ISYNA1: variants seen among roughly 807,000 people sequenced by gnomAD.
ISYNA1 encodes MI-1-P synthase.
ISYNA1 carries 34 observed loss-of-function variants against 50.3 expected under a neutral mutation model. That is an observed-to-expected ratio of 0.68 (90% CI 0.51 to 0.90). The LOEUF is 0.90. ISYNA1 is among the 40% of genes least tolerant of loss of function. ISYNA1 has a pLI of 0.00. For missense variants in ISYNA1, 718 were observed against 784.8 expected, an observed-to-expected ratio of 0.91 and a Z score of 1.02; for synonymous variants, 396 against 349.9, an observed-to-expected ratio of 1.13 and a Z score of -1.47.
Position 18,436,229 on chromosome 19 carries a change from G to T in ISYNA1, c.778C>A (p.Pro260Thr). The change falls in exon 7 of 11, where the codon CCC becomes ACC. Residue 260 changes from proline to threonine, a missense_variant. Pro to Thr is a conservative substitution (Grantham distance 38). This residue lies in a region of ISYNA1 where 403 missense variants were observed against 466.6 expected (regional missense o/e 0.86). Transcript: ENST00000338128. ...CTGGCCACGGCGAAGAGCGTGGAGG[G>T]CGACACCTCCAGACCGAGCTGTGGG... The part of the protein sequence containing the change: ...RTIELGLEVS[P>T]STLFAVASIL... 6.2e-7 allele frequency: 1 copy of T among 1,609,150 alleles called. No homozygotes were observed.
In ISYNA1 at chr19:18,436,414, C is replaced by T. The variant is rs754511347; in HGVS notation, c.675G>A (p.Val225=). The change falls in exon 6 of 11, where the codon GTG becomes GTA. Residue 225 remains valine, a synonymous_variant. Transcript: ENST00000338128. ...RSSAGLDKVI[V]LWTANTERFC... is the part of the protein sequence containing the mutation. ...AGCGCTCCGTGTTCGCCGTCCACAG[C>T]ACTATGACTTTGTCCAGCCCCGCGC... is the stretch of plus-strand genomic sequence containing the variant. 2 of 1,611,222 alleles carry T rather than the reference C, an allele frequency of 1.2e-6. No individual in the cohort carries two copies. Among genetic ancestry groups the T allele is most frequent in the Non-Finnish European group, 1.7e-6 (2 of 1,179,872 alleles).
chr19:18,437,436 C>A, intron 3 of ISYNA1, 163 bp downstream of exon 3: 1 of 1,151,108 alleles, frequency 8.7e-7, no homozygotes, highest in Non-Finnish European at 1.1e-6. Flanking sequence ...TACAGGCCTC[C>A]AGACCCGGGC....
At position 18,435,270 on chromosome 19, in the gene ISYNA1, G is replaced by A. The variant is rs1325969662; in HGVS notation, c.1468C>T (p.Leu490Phe). ...FRQRSCIENILRACVGLPPQN... is the reference protein window; with the variant it reads ...FRQRSCIENIFRACVGLPPQN... ...AACCTGGAGGCTGGGGTGCACCTGA[G>A]GATGTTCTCGATGCAGCTGCGCTGG... The change falls in exon 10 of 11, where the codon CTC becomes TTC. Residue 490 changes from leucine to phenylalanine, a missense_variant. Leu to Phe is a conservative substitution (Grantham distance 22). Transcript: ENST00000338128. The A allele has an allele frequency of 1.9e-6, 3 of 1,605,110 alleles. No individual in the cohort carries two copies. The highest frequency in any genetic ancestry group is 2.7e-5 in the African/African-American group (2 of 74,922).
In ISYNA1 at chr19:18,434,450, T is replaced by C. The variant is rs1973849145; in HGVS notation, c.*463A>G. On this transcript the variant is annotated 3_prime_UTR_variant, in exon 11 of 11. Transcript: ENST00000338128. ...AGACGTTCTTTTCTGTATGGACCCT[T>C]CCTGCCATTTGTATTTTGTCCCAGA... 6 of 997,090 alleles carry C rather than the reference T, an allele frequency of 6.0e-6. No homozygotes were observed. In the South Asian group the frequency reaches 7.3e-5, roughly 12 times the overall value. The allele number at this position is 997,090 out of a possible 1,614,324, so 61.8% of individuals were successfully genotyped here.
Position 18,437,048 on chromosome 19 carries a change from C to T in ISYNA1, c.340G>A (p.Ala114Thr), listed in dbSNP as rs917637479. ...GGTACGAACACCTCCTGGCCCTCGG[C>T]GTCCAGGCCCAGGCTCACGGTGCCC... ...QAGTVSLGLD[A>T]EGQEVFVPFS... is the part of the protein sequence containing the mutation. Residue 114 changes from alanine to threonine, a missense_variant, in exon 4 of 11, where the codon GCC (alanine) becomes ACC (threonine). Physicochemically the swap from Ala to Thr is moderately conservative, Grantham distance 58 (BLOSUM62 0). Coordinates refer to ENST00000338128, the MANE Select transcript of ISYNA1 (RefSeq NM_016368.5). The T allele has an allele frequency of 2.7e-5, 43 of 1,603,494 alleles. No individual in the cohort carries two copies. Among genetic ancestry groups the T allele is most frequent in the Non-Finnish European group, 3.6e-5 (42 of 1,176,958 alleles).
At position 18,434,620 on chromosome 19, in the gene ISYNA1, T is replaced by C. The variant is rs2144840755; in HGVS notation, c.*293A>G. On this transcript the variant is annotated 3_prime_UTR_variant, in exon 11 of 11. Coordinates refer to ENST00000338128, the MANE Select transcript of ISYNA1 (RefSeq NM_016368.5). ...CACCACACTCTCCACCCTGTGGTCT[T>C]GTTCCGTCCCCGCCCCCATCTAGCC... 3.6e-6 allele frequency: 2 copies of C among 553,914 alleles called. No homozygotes were observed. The highest frequency in any genetic ancestry group is 6.1e-5 in the East Asian group (2 of 32,592). The allele number at this position is 553,914 out of a possible 1,614,324, so 34.3% of individuals were successfully genotyped here.
In ISYNA1 at chr19:18,434,794, C is replaced by A; in HGVS notation, c.*119G>T. The A allele has an allele frequency of 1.2e-6, 1 of 857,248 alleles. No homozygotes were observed. Among genetic ancestry groups the A allele is most frequent in the Admixed American group, 2.1e-5 (1 of 48,628 alleles). 53.1% of individuals were successfully genotyped at this position (857,248 alleles called of 1,614,324 possible). A position where few individuals can be genotyped will look rare whatever the true frequency, so the allele number is the denominator to read the frequency against. On this transcript the variant is annotated 3_prime_UTR_variant, in exon 11 of 11. Transcript: ENST00000338128. The stretch of plus-strand genomic sequence containing the variant: ...AGGGAGGCAGAGTCAGGTCACAGGC[C>A]CCAAGAACCCCAGGTGGAAGGAGGG...
At chr19:18,435,190 G>GC (rs1440555780) in intron 10 of ISYNA1, 73 bp from the exon 11 acceptor site, 3 of 1,593,830 alleles carry the variant, frequency 1.9e-6, no homozygotes, top group Non-Finnish European at 8.6e-7. Flanking sequence ...GCCACCTACA[G>GC]CCCCCCAAGC....
rs1045631 is a variant in ISYNA1 at position 18,434,976 on chromosome 19, G to T, written c.1614C>A (p.Thr538=). The change falls in exon 11 of 11, where the codon ACC becomes ACA. Residue 538 remains threonine (T), a synonymous_variant. Coordinates refer to ENST00000338128, the MANE Select transcript of ISYNA1 (RefSeq NM_016368.5). The part of the protein sequence containing the change: ...LNKKGPVPAA[T]NGCTGDANGH... Reference sequence around the variant, plus strand: ...CATTGGCATCACCGGTGCAGCCATTGGTGGCAGCGGGTACCGGTCCTTTCT... The same window carrying T: ...CATTGGCATCACCGGTGCAGCCATTTGTGGCAGCGGGTACCGGTCCTTTCT... The T allele has an allele frequency of 0.21, 338,152 of 1,613,212 alleles. 35,969 individuals are homozygous for T. Among genetic ancestry groups the T allele is most frequent in the Admixed American group, 0.28 (16,604 of 60,006 alleles).
chr19:18,434,958 A>G lies in ISYNA1; in HGVS notation c.1632T>C (p.Asp544=). Residue 544 remains aspartate (D), a synonymous_variant, in exon 11 of 11, where the codon GAT becomes GAC. Coordinates refer to ENST00000338128, the MANE Select transcript of ISYNA1 (RefSeq NM_016368.5). ...GCTCCTCTTGCAGATGCCCATTGGCATCACCGGTGCAGCCATTGGTGGCAG... is the reference window on the plus strand; with the variant it reads ...GCTCCTCTTGCAGATGCCCATTGGCGTCACCGGTGCAGCCATTGGTGGCAG... ...VPAATNGCTG[D]ANGHLQEEPP... 1 of 1,613,506 alleles carries G rather than the reference A, an allele frequency of 6.2e-7. No individual in the cohort carries two copies. The highest frequency in any genetic ancestry group is 8.5e-7 in the Non-Finnish European group (1 of 1,180,006).
Position 18,437,752 on chromosome 19 carries a change from G to C in ISYNA1, c.129C>G (p.Pro43=). The change falls in exon 3 of 11, where the codon CCC becomes CCG. Residue 43 remains proline (P), a synonymous_variant. Coordinates refer to ENST00000338128, the MANE Select transcript of ISYNA1 (RefSeq NM_016368.5). ...SREGGVLKVH[P]TSTRFTFRTA... ...TCCGGAAGGTGAAGCGCGTGGACGT[G>C]GGGTGCACCTGAAGACAGGCCGCGC... 2 of 1,578,544 alleles carry C rather than the reference G, an allele frequency of 1.3e-6. No homozygotes were observed. Among genetic ancestry groups the C allele is most frequent in the Non-Finnish European group, 1.7e-6 (2 of 1,165,268 alleles).
chr19:18,436,949 AC>A, intron 4 of ISYNA1, 23 bp downstream of exon 4: 1 of 861,106 alleles, frequency 1.2e-6, no homozygotes, highest in Non-Finnish European at 1.8e-6. Flanking sequence ...ATCCCGCCCC[AC>A]CCCGGCCCAG....
chr19:18,435,204 G>A lies in ISYNA1; in HGVS notation c.1472+62C>T, dbSNP rs774069728. 1.3e-5 allele frequency: 20 copies of A among 1,586,958 alleles called. No homozygotes were observed. In the South Asian group the frequency reaches 2.2e-4, roughly 18 times the overall value. ...TGCCACCTACAGCCCCCCAAGCCCT[G>A]TGCATAGCTTAGCCAGGGGGGTATC... On this transcript the variant is annotated intron_variant, in intron 10 of 10. Coordinates refer to ENST00000338128, the MANE Select transcript of ISYNA1 (RefSeq NM_016368.5).
At chr19:18,435,983 G>C in intron 7 of ISYNA1, 49 bp downstream of exon 7, 1 of 1,612,582 alleles carries the variant, frequency 6.2e-7, no homozygotes. Context: ...CCAGGTGCTC[G>C]CGGCCCAGGC....
Position 18,436,067 on chromosome 19 carries a change from C to T in ISYNA1, c.940G>A (p.Val314Met), listed in dbSNP as rs368064258. ...FKSGQTKVKS[V>M]LVDFLIGSGL... ...GAGCCAATGAGGAAGTCCACAAGCA[C>T]GGACTTGACTTTGGTCTGGCCTGAC... The change falls in exon 7 of 11, where the codon GTG becomes ATG. Residue 314 changes from valine (V) to methionine (M), a missense_variant. Physicochemically the swap from Val to Met is conservative, Grantham distance 21 (BLOSUM62 1). This residue lies in a region of ISYNA1 where 403 missense variants were observed against 466.6 expected (regional missense o/e 0.86). Transcript: ENST00000338128. The T allele has an allele frequency of 6.2e-6, 10 of 1,613,266 alleles. No individual in the cohort carries two copies. Among genetic ancestry groups the T allele is most frequent in the African/African-American group, 5.3e-5 (4 of 74,956 alleles).
Position 18,437,123 on chromosome 19 carries a change from C to A in ISYNA1, c.283-18G>T. ...TTGGCCTCCTGGGGGTCAGCAGACA[C>A]GGCGAGGTGACGGGTGGGAGTGGTG... On this transcript the variant is annotated intron_variant, in intron 3 of 10. Coordinates refer to ENST00000338128, the MANE Select transcript of ISYNA1 (RefSeq NM_016368.5). 1 of 1,555,530 alleles carries A rather than the reference C, an allele frequency of 6.4e-7. No individual in the cohort carries two copies. The highest frequency in any genetic ancestry group is 8.7e-7 in the Non-Finnish European group (1 of 1,150,362).
intron 7 of ISYNA1, 50 bp downstream of exon 7, chr19:18,435,982 C>T (rs371260399): frequency 1.2e-6 from 2 of 1,612,566 alleles, no homozygotes; most frequent in South Asian, 1.1e-5. Flanking sequence ...GCCAGGTGCT[C>T]GCGGCCCAGG....
Position 18,435,429 on chromosome 19 carries a change from A to C in ISYNA1, c.1309T>G (p.Cys437Gly), listed in dbSNP as rs781083299. Residue 437 changes from cysteine to glycine, a missense_variant, in exon 10 of 11, where the codon TGC (cysteine) becomes GGC (glycine). Coordinates refer to ENST00000338128, the MANE Select transcript of ISYNA1 (RefSeq NM_016368.5). ...TCAGTGCAGAAGCTCACGCGCTGGC[A>C]CAGCTCGGTCAGCAGCGCTAGGTCC... is the stretch of plus-strand genomic sequence containing the variant. The part of the protein sequence containing the change: ...MLDLALLTEL[C>G]QRVSFCTDMD... 1 of 1,610,550 alleles carries C rather than the reference A, an allele frequency of 6.2e-7. No homozygotes were observed. Among genetic ancestry groups the C allele is most frequent in the Non-Finnish European group, 8.5e-7 (1 of 1,179,908 alleles).
At position 18,438,099 on chromosome 19, in the gene ISYNA1, A is replaced by G; in HGVS notation, c.-16T>C. 2 of 1,105,234 alleles carry G rather than the reference A, an allele frequency of 1.8e-6. No homozygotes were observed. The highest frequency in any genetic ancestry group is 2.4e-6 in the Non-Finnish European group (2 of 823,500). 68.5% of individuals were successfully genotyped at this position (1,105,234 alleles called of 1,614,324 possible). ...TGCCCCGAACCGCACTCACCGGCGC[A>G]GAGTCGACTCAGGCAGCGGCGGCGG... is the stretch of plus-strand genomic sequence containing the variant. On this transcript the variant is annotated 5_prime_UTR_variant, in exon 1 of 11. Transcript: ENST00000338128.
Sources: allele counts gnomAD v4.1 joint callset, GRCh38; gene constraint gnomAD v4.1.1; regional missense constraint gnomAD v4.1.1; transcripts MANE v1.5; gene names NCBI Gene and HGNC (gene_info 2026-07-23, HGNC 2026-07-21).